SPAG9: variants seen among roughly 807,000 people sequenced by gnomAD.
SPAG9 encodes the protein C-Jun-amino-terminal kinase-interacting protein 4.
A neutral mutation model predicts 166.5 loss-of-function variants in SPAG9; 35 were observed. That is an observed-to-expected ratio of 0.21 (90% confidence interval 0.16 to 0.28). The LOEUF (loss-of-function observed/expected upper bound fraction) is 0.28. Ranked by LOEUF, SPAG9 falls within the 10% of genes least tolerant of loss-of-function variation. The pLI is 1.00. For synonymous variants in SPAG9, 534 were observed against 565.5 expected, an observed-to-expected ratio of 0.94 and a Z score of 0.79; for missense variants, 1,235 against 1,603.3, an observed-to-expected ratio of 0.77 and a Z score of 3.92.
At chr17:51,073,231 G>C (rs2047873987) in intron 2 of SPAG9, among the ~76,000 whole-genome samples, 1 of 152,052 alleles carries the variant, frequency 6.6e-6, no homozygotes, top group African/African-American at 2.4e-5. Context: ...GGGAGGCTGA[G>C]GCAGGAGAAT....
At chr17:51,106,149 ACACACT>A in intron 1 of SPAG9, among the ~76,000 whole-genome samples, 1 of 139,736 alleles carries the variant, frequency 7.2e-6, no homozygotes. Context: ...ACACACACAC[ACACACT>A]AGCTGGGCAT....
At chr17:51,024,486 G>T (rs1306914178) in intron 6 of SPAG9, among the ~76,000 whole-genome samples, 1 of 151,656 alleles carries the variant, frequency 6.6e-6, no homozygotes, top group African/African-American at 2.4e-5. Flanking sequence ...AGCACTTTGG[G>T]AGGACGAGGC....
At chr17:51,074,895 C>T (rs1377935752) in intron 2 of SPAG9, among the ~76,000 whole-genome samples, 1 of 151,856 alleles carries the variant, frequency 6.6e-6, no homozygotes, top group Admixed American at 6.6e-5. Flanking sequence ...TGATCACTTC[C>T]CTTAATTAAG....
In SPAG9 at chr17:51,047,459, T is replaced by A; in HGVS notation, c.506A>T (p.Asn169Ile). ...LHQRHTEMIH[N>I]YMEHLERTKL... ...TGTTCTTTCTAAATGTTCCATATAATTATGGATCATCTATTTTAAAGAAAG... is the reference window on the plus strand; with the variant it reads ...TGTTCTTTCTAAATGTTCCATATAAATATGGATCATCTATTTTAAAGAAAG... The change falls in exon 4 of 30, where the codon AAT becomes ATT. Residue 169 changes from asparagine (N) to isoleucine (I), a missense_variant. Coordinates refer to ENST00000262013, the MANE Select transcript of SPAG9 (RefSeq NM_001130528.3). 1.3e-6 allele frequency: 2 copies of A among 1,501,504 alleles called. No homozygotes were observed. Among genetic ancestry groups the A allele is most frequent in the Non-Finnish European group, 1.8e-6 (2 of 1,096,960 alleles). 93.0% of individuals were successfully genotyped at this position (1,501,504 alleles called of 1,614,324 possible). A position where few individuals can be genotyped will look rare whatever the true frequency, so the allele number is the denominator to read the frequency against.
At chr17:51,023,035 G>C (rs2046003608) in intron 6 of SPAG9, among the ~76,000 whole-genome samples, 1 of 149,072 alleles carries the variant, frequency 6.7e-6, no homozygotes, top group African/African-American at 2.4e-5. Context: ...CCTTGGGTAA[G>C]TAATGTATTC....
chr17:51,092,677 G>A (rs1031295859), intron 1 of SPAG9, among the ~76,000 whole-genome samples: 2 of 150,406 alleles, frequency 1.3e-5, no homozygotes, highest in African/African-American at 4.9e-5. Context: ...GCTTTGGGAG[G>A]CAAAGGTGGG....
At chr17:51,096,010 T>C (rs1175922508) in intron 1 of SPAG9, among the ~76,000 whole-genome samples, 4 of 104,272 alleles carry the variant, frequency 3.8e-5, no homozygotes, top group Non-Finnish European at 7.7e-5. Flanking sequence ...TATAGTGATA[T>C]ATATATATAG....
rs1286481469 is a variant in SPAG9, at chr17:50,963,655, A to G, written c.*2617T>C. Reference sequence around the variant, plus strand: ...TTCATCTCTAACTCCTGATTTCCTAAATTACATTCAGTCATACAAACATGG... The same window carrying G: ...TTCATCTCTAACTCCTGATTTCCTAGATTACATTCAGTCATACAAACATGG... On this transcript the variant is annotated 3_prime_UTR_variant, in exon 30 of 30. Coordinates refer to ENST00000262013, the MANE Select transcript of SPAG9 (RefSeq NM_001130528.3). The G allele has an allele frequency of 6.6e-6, 1 of 152,182 alleles. No homozygotes were observed. Among genetic ancestry groups the G allele is most frequent in the Non-Finnish European group, 1.5e-5 (1 of 68,020 alleles). The allele number at this position is 152,182 out of a possible 1,614,324, so 9.4% of individuals were successfully genotyped here.
At chr17:50,970,582 C>T (rs76571715) in intron 29 of SPAG9, 125 bp downstream of exon 29, 20,241 of 673,370 alleles carry the variant, frequency 0.03, 392 homozygotes, top group Non-Finnish European at 0.037. Flanking sequence ...AAAATCCTTT[C>T]GTGTGTAAAG....
intron 22 of SPAG9, 137 bp from the exon 23 acceptor site, chr17:50,985,915 T>G: frequency 1.8e-6 from 1 of 543,798 alleles, no homozygotes; most frequent in Non-Finnish European, 3.2e-6. Flanking sequence ...GCTGCTTTTG[T>G]GCAATGGTCA....
intron 1 of SPAG9, among the ~76,000 whole-genome samples, chr17:51,089,578 T>C (rs1380295228): frequency 7.0e-6 from 1 of 143,202 alleles, no homozygotes; most frequent in Admixed American, 7.2e-5. Flanking sequence ...ATAATATATA[T>C]GTGTATATCT....
chr17:50,999,380 C>A, intron 14 of SPAG9: 1 of 929,136 alleles, frequency 1.1e-6, no homozygotes, highest in South Asian at 1.8e-5. Flanking sequence ...TAAATAATTC[C>A]CCATTATTTA....
intron 1 of SPAG9, among the ~76,000 whole-genome samples, chr17:51,109,597 C>A (rs1402372462): frequency 6.6e-6 from 1 of 152,156 alleles, no homozygotes; most frequent in African/African-American, 2.4e-5. Context: ...AGATGAGTTT[C>A]ATTAATTCAT....
intron 3 of SPAG9, among the ~76,000 whole-genome samples, chr17:51,052,668 A>G: frequency 6.6e-6 from 1 of 152,196 alleles, no homozygotes; most frequent in Non-Finnish European, 1.5e-5. Flanking sequence ...TTCATTTAAA[A>G]TTAGTATGTC....
At chr17:51,115,595 C>T (rs890500681) in intron 1 of SPAG9, among the ~76,000 whole-genome samples, 2 of 151,940 alleles carry the variant, frequency 1.3e-5, no homozygotes, top group African/African-American at 2.4e-5. Flanking sequence ...CTTTAGGAGG[C>T]CAAGGCGGGC....
rs139012278 is a variant in SPAG9 at position 51,000,094 on chromosome 17, A to T, written c.1608-377T>A. On this transcript the variant is annotated intron_variant, in intron 13 of 29. Transcript: ENST00000262013. ...CCATCTTTACATAAAAGTCTCTATC[A>T]TCTATACTCGGAGCTCTCACAAAAT... Among the ~76,000 whole-genome samples, 302 of 152,262 alleles carry T rather than the reference A, an allele frequency of 2.0e-3. 2 individuals are homozygous for T. Among genetic ancestry groups the T allele is most frequent in the African/African-American group, 6.5e-3 (269 of 41,534 alleles).
chr17:51,093,926 C>G (rs750682399), intron 1 of SPAG9, among the ~76,000 whole-genome samples: 2 of 152,082 alleles, frequency 1.3e-5, no homozygotes, highest in Non-Finnish European at 2.9e-5. Flanking sequence ...TCTCAATAAA[C>G]TCAACCAGAA....
At chr17:50,988,349 A>G (rs1474351608) in intron 21 of SPAG9, among the ~76,000 whole-genome samples, 1 of 152,222 alleles carries the variant, frequency 6.6e-6, no homozygotes, top group East Asian at 1.9e-4. Context: ...CATTCCAATA[A>G]TGGACCACTA....
chr17:51,053,854 A>AT (rs1491529465), intron 3 of SPAG9, among the ~76,000 whole-genome samples: 797 of 34,388 alleles, frequency 0.023, 16 homozygotes, highest in Non-Finnish European at 0.03. Flanking sequence ...AAAAAAAAAA[A>AT]GTATATATAT....
Sources: gnomAD v4.1 joint callset for allele counts (sites outside exome capture counted in the v4.1 genomes callset) on GRCh38, gnomAD v4.1.1 for gene constraint, MANE v1.5 for transcripts, NCBI Gene and HGNC (gene_info 2026-07-23, HGNC 2026-07-21) for gene names.